The following BSPH1 variants were observed in gnomAD, a reference collection of about 807,000 sequenced individuals.
BSPH1 encodes binder of sperm 1.
Under a neutral mutation model 22.5 loss-of-function variants are expected in BSPH1, and 21 were observed. The ratio of observed to expected loss-of-function variants is 0.93; its 90% confidence interval spans 0.66 to 1.35. The LOEUF (loss-of-function observed/expected upper bound fraction) is 1.35, where lower values mean the gene tolerates loss of function less well. BSPH1 is among the 40% of genes most tolerant of loss of function. The pLI is 0.00. For missense variants in BSPH1, 141 were observed against 154.2 expected (o/e 0.91, Z 0.45); for synonymous variants, 42 against 53.6 (o/e 0.78, Z 0.95).
chr19:47,969,004 A>T (rs750455909), intron 5 of BSPH1, among the ~76,000 whole-genome samples: 2 of 33,864 alleles, frequency 5.9e-5, no homozygotes, highest in Non-Finnish European at 8.7e-5. Flanking sequence ...ATCTCAGATT[A>T]AAAAAAAAAA....
chr19:47,981,790 G>A, intron 1 of BSPH1: 1 of 955,678 alleles, frequency 1.0e-6, no homozygotes, highest in Non-Finnish European at 1.2e-6. Flanking sequence ...TTTTCTTAAA[G>A]CAGCATTTTT....
At chr19:47,969,569 G>A (rs1378614760) in intron 5 of BSPH1, among the ~76,000 whole-genome samples, 1 of 151,942 alleles carries the variant, frequency 6.6e-6, no homozygotes, top group Non-Finnish European at 1.5e-5. Context: ...TGTAATATAA[G>A]GATATATTAT....
At chr19:47,979,352 T>C (rs1969397023) in intron 3 of BSPH1, among the ~76,000 whole-genome samples, 2 of 152,158 alleles carry the variant, frequency 1.3e-5, no homozygotes, top group African/African-American at 4.8e-5. Context: ...TCCTGTTAGA[T>C]TGGCAGAAAT....
intron 2 of BSPH1, 142 bp from the exon 3 acceptor site, chr19:47,979,741 C>G (rs943405099): frequency 9.6e-6 from 4 of 416,058 alleles, no homozygotes; most frequent in Non-Finnish European, 1.8e-5. Flanking sequence ...CATCCAAGAA[C>G]ATGGCATCTG....
At chr19:47,980,070 T>C (rs1969404168) in intron 2 of BSPH1, among the ~76,000 whole-genome samples, 1 of 152,192 alleles carries the variant, frequency 6.6e-6, no homozygotes, top group South Asian at 2.1e-4. Flanking sequence ...ATATAGAGTT[T>C]GTCCTTTCTA....
chr19:47,979,620 C>G (rs752635383), intron 2 of BSPH1, 21 bp from the exon 3 acceptor site: 51 of 1,226,416 alleles, frequency 4.2e-5, no homozygotes, highest in Non-Finnish European at 5.5e-5. Context: ...AAATTTAGAG[C>G]TGACATTTAT....
At chr19:47,971,066 C>A (rs1017043234) in intron 5 of BSPH1, among the ~76,000 whole-genome samples, 21 of 152,156 alleles carry the variant, frequency 1.4e-4, no homozygotes, top group Non-Finnish European at 2.6e-4. Context: ...TCAGCAGTGG[C>A]AACTTCCTGA....
At chr19:47,991,929 C>T in intron 1 of BSPH1, 80 bp downstream of exon 1, 1 of 891,252 alleles carries the variant, frequency 1.1e-6, no homozygotes, top group Non-Finnish European at 1.8e-6. Flanking sequence ...TCCCCACCTT[C>T]TCCCTCCTTC....
chr19:47,986,912 C>G (rs1280031084), intron 1 of BSPH1, among the ~76,000 whole-genome samples: 1 of 152,114 alleles, frequency 6.6e-6, no homozygotes, highest in Non-Finnish European at 1.5e-5. Flanking sequence ...TATTCCATGC[C>G]TCTCTCCTTG....
chr19:47,979,660 C>G, intron 2 of BSPH1, 61 bp from the exon 3 acceptor site: 1 of 671,274 alleles, frequency 1.5e-6, no homozygotes, highest in Non-Finnish European at 2.4e-6. Flanking sequence ...AAAATGGGCT[C>G]TTACGTAAAA....
chr19:47,976,647 C>A, intron 5 of BSPH1, 63 bp downstream of exon 5: 19 of 1,070,586 alleles, frequency 1.8e-5, no homozygotes, highest in East Asian at 4.0e-5. Flanking sequence ...CCAACAAAAA[C>A]TCTAGGTTCT....
intron 2 of BSPH1, 117 bp from the exon 3 acceptor site, chr19:47,979,716 T>C (rs944811925): frequency 4.2e-5 from 19 of 455,732 alleles, no homozygotes; most frequent in African/African-American, 6.2e-5. Flanking sequence ...GATATTGTTA[T>C]GGCATTATGT....
At chr19:47,990,947 A>G (rs998429170) in intron 1 of BSPH1, among the ~76,000 whole-genome samples, 1 of 152,164 alleles carries the variant, frequency 6.6e-6, no homozygotes, top group African/African-American at 2.4e-5. Flanking sequence ...GGATTTTCCA[A>G]TTTACATTCT....
At position 47,969,817 on chromosome 19, in the gene BSPH1, T is replaced by C. The variant is rs151134105; in HGVS notation, c.*3-1608A>G. On this transcript the variant is annotated intron_variant, in intron 5 of 5. Transcript: ENST00000344839. ...AGAGACTTCAGAATTTATTTGTGTG[T>C]GTGTGAGAGAGAGACTTTAGAATTT... 3.2e-4 allele frequency among the ~76,000 whole-genome samples: 48 copies of C among 151,872 alleles called. No individual in the cohort carries two copies. In the East Asian group the frequency reaches 8.0e-3, roughly 25 times the overall value.
At chr19:47,975,176 A>G (rs1050406433) in intron 5 of BSPH1, among the ~76,000 whole-genome samples, 1 of 151,480 alleles carries the variant, frequency 6.6e-6, no homozygotes, top group Non-Finnish European at 1.5e-5. Context: ...TTTCCTCTCT[A>G]CTATTCTTTG....
At chr19:47,968,854 T>C (rs757996915) in intron 5 of BSPH1, among the ~76,000 whole-genome samples, 1 of 151,108 alleles carries the variant, frequency 6.6e-6, no homozygotes, top group Non-Finnish European at 1.5e-5. Context: ...AAAAAATTAG[T>C]TGGGCATGGT....
At chr19:47,989,199 G>C (rs1969500538) in intron 1 of BSPH1, among the ~76,000 whole-genome samples, 1 of 150,818 alleles carries the variant, frequency 6.6e-6, no homozygotes, top group Non-Finnish European at 1.5e-5. Flanking sequence ...AGGCTGGAGT[G>C]CAATGGCATG....
rs573928731 is a variant in BSPH1 at position 47,990,041 on chromosome 19, T to G, written c.73+1968A>C. On this transcript the variant is annotated intron_variant, in intron 1 of 5. Coordinates refer to ENST00000344839, the MANE Select transcript of BSPH1 (RefSeq NM_001128326.2). ...GGCTGAGGCAGGAGAATTGCTCGAA[T>G]CTGGGAGGCTGAGGTTGCGGTGAGC... 1.9e-3 allele frequency among the ~76,000 whole-genome samples: 273 copies of G among 147,310 alleles called. 2 individuals carry two copies. The highest frequency in any genetic ancestry group is 3.6e-3 in the Middle Eastern group (1 of 276).
At position 47,968,681 on chromosome 19, in the gene BSPH1, TAA is replaced by T. The variant is rs71181616; in HGVS notation, c.*3-474_*3-473del. On this transcript the variant is annotated intron_variant, in intron 5 of 5. Coordinates refer to ENST00000344839, the MANE Select transcript of BSPH1 (RefSeq NM_001128326.2). ...TGAGTGACAGAGCAAGACCCTGTCT[TAA>T]AAAAAAAAAAAAAAAAAAAAGAAAT... 3.5e-4 allele frequency among the ~76,000 whole-genome samples: 32 copies of T among 92,240 alleles called. 1 individual carries two copies. The South Asian group carries it at 3.9e-3, about 11-fold the overall frequency. 60.5% of individuals were successfully genotyped at this position (92,240 alleles called of 152,430 possible). A position where few individuals can be genotyped will look rare whatever the true frequency, so the allele number is the denominator to read the frequency against.
Sources: allele counts gnomAD v4.1 joint callset (sites outside exome capture counted in the v4.1 genomes callset), GRCh38; gene constraint gnomAD v4.1.1; transcripts MANE v1.5; gene names NCBI Gene and HGNC (gene_info 2026-07-23, HGNC 2026-07-21).